The following HERC6 variants were observed in gnomAD, a reference collection of about 807,000 sequenced individuals.
The protein encoded by HERC6 is probable E3 ubiquitin-protein ligase HERC6.
In HERC6, 101 loss-of-function variants were observed where a neutral mutation model predicts 114.5. The observed-to-expected ratio is 0.88, with a 90% CI of 0.75 to 1.04. HERC6 has a LOEUF of 1.04. Among genes scored for constraint, HERC6 ranks in the 50% least tolerant of loss-of-function variants. The pLI, the probability that HERC6 is intolerant of heterozygous loss-of-function variation, is 0.00. For synonymous variants in HERC6, 408 were observed against 436.2 expected (o/e 0.94, Z 0.81); for missense variants, 1,133 against 1,230.9 (o/e 0.92, Z 1.19).
Position 88,439,978 on chromosome 4 carries a change from T to C in HERC6, c.2660T>C (p.Ile887Thr). ...TTTTATAGAGTCTGTGAGAAGGAGA[T>C]ACTTAGACATTTCTACCCTGAAGAA... ...RGFYRVCEKEILRHFYPEELM... is the reference protein window; with the variant it reads ...RGFYRVCEKETLRHFYPEELM... The change falls in exon 21 of 23, where the codon ATA becomes ACA. Residue 887 changes from isoleucine (I) to threonine (T), a missense_variant. Around this residue, in one of 3 missense-constraint regions of HERC6, gnomAD observed 388 missense variants for 445.9 expected, o/e 0.87. Coordinates refer to ENST00000264346, the MANE Select transcript of HERC6 (RefSeq NM_017912.4). 2 of 1,612,400 alleles carry C rather than the reference T, an allele frequency of 1.2e-6. No homozygotes were observed. Among genetic ancestry groups the C allele is most frequent in the Non-Finnish European group, 1.7e-6 (2 of 1,179,484 alleles).
chr4:88,437,269 C>G (rs1187346473), intron 19 of HERC6, among the ~76,000 whole-genome samples: 1 of 152,030 alleles, frequency 6.6e-6, no homozygotes, highest in Non-Finnish European at 1.5e-5. Flanking sequence ...CTTGGCCAGG[C>G]TGGTCTCTAA....
At position 88,411,814 on chromosome 4, in the gene HERC6, T is replaced by C. The variant is rs563588532; in HGVS notation, c.1369-1263T>C. The stretch of plus-strand genomic sequence containing the variant: ...CTGTAAAATCCTCCACTCAATCTTT[T>C]GGGTTGGCTAGCAGATGAGGGAAGT... On this transcript the variant is annotated intron_variant, in intron 11 of 22. Coordinates refer to ENST00000264346, the MANE Select transcript of HERC6 (RefSeq NM_017912.4). Among the ~76,000 whole-genome samples, 24 of 152,290 alleles carry C rather than the reference T, an allele frequency of 1.6e-4. No homozygotes were observed. The South Asian group carries it at 5.0e-3, about 32-fold the overall frequency.
At chr4:88,437,639 TA>T in intron 19 of HERC6, 71 bp from the exon 20 acceptor site, 1 of 915,388 alleles carries the variant, frequency 1.1e-6, no homozygotes, top group Non-Finnish European at 1.7e-6. Context: ...GTATTGGCAA[TA>T]AAGATATTAT....
rs201006395 is a variant in HERC6, at chr4:88,439,119, A to AC, written c.2556-755_2556-754insC. Among the ~76,000 whole-genome samples the AC allele has an allele frequency of 7.0e-3, 1,066 of 152,318 alleles. 17 individuals carry two copies. Among genetic ancestry groups the AC allele is most frequent in the African/African-American group, 0.024 (1,012 of 41,560 alleles). On this transcript the variant is annotated intron_variant, in intron 20 of 22. Coordinates refer to ENST00000264346, the MANE Select transcript of HERC6 (RefSeq NM_017912.4). ...AAAGTCTTACTTATATTGAAATCTA[A>AC]TGGATGGTAGAAGTTATCAGGTAAA...
rs2149049728 is a variant in HERC6 at position 88,442,357 on chromosome 4, TCTCC to T, written c.2973_2976del (p.Pro992SerfsTer14). ...ACATCAATAACTTGTCATAATATTC[TCTCC>T]CTCCCTAAGTATTCTACAATGGAAA... On this transcript the variant is annotated frameshift_variant, in exon 23 of 23. Coordinates refer to ENST00000264346, the MANE Select transcript of HERC6 (RefSeq NM_017912.4). LOFTEE classifies it low-confidence loss of function (END_TRUNC). 2 of 1,613,708 alleles carry T rather than the reference TCTCC, an allele frequency of 1.2e-6. No individual in the cohort carries two copies. The highest frequency in any genetic ancestry group is 2.2e-5 in the South Asian group (2 of 91,036).
intron 8 of HERC6, among the ~76,000 whole-genome samples, chr4:88,404,193 CT>C (rs202005015): frequency 0.14 from 19,757 of 136,952 alleles, 1,219 homozygotes; most frequent in East Asian, 0.21. Flanking sequence ...AATTTCATTT[CT>C]TTTTTTTTTT....
chr4:88,437,046 T>A, intron 19 of HERC6, 75 bp downstream of exon 19: 1 of 1,116,984 alleles, frequency 9.0e-7, no homozygotes. Flanking sequence ...TATAGTATCT[T>A]AAATTTGGGA....
intron 8 of HERC6, among the ~76,000 whole-genome samples, chr4:88,404,299 T>G (rs888772134): frequency 2.6e-5 from 4 of 151,582 alleles, no homozygotes; most frequent in South Asian, 2.1e-4. Flanking sequence ...CTCAAGCCCC[T>G]GCCTCAGCCT....
At chr4:88,429,323 C>T (rs904748270) in intron 16 of HERC6, among the ~76,000 whole-genome samples, 3 of 152,178 alleles carry the variant, frequency 2.0e-5, no homozygotes, top group African/African-American at 7.2e-5. Flanking sequence ...TACACAGCCT[C>T]TTCAGTGGGA....
At chr4:88,412,965 T>G (rs1177315597) in intron 11 of HERC6, 112 bp from the exon 12 acceptor site, 7 of 744,320 alleles carry the variant, frequency 9.4e-6, no homozygotes, top group Non-Finnish European at 1.6e-5. Flanking sequence ...GCTAAGTGAT[T>G]ATTCTAATTG....
intron 22 of HERC6, among the ~76,000 whole-genome samples, chr4:88,441,527 T>C (rs993054134): frequency 6.6e-6 from 1 of 152,138 alleles, no homozygotes; most frequent in Non-Finnish European, 1.5e-5. Flanking sequence ...CTAAGCTCTG[T>C]AGCCTCATGG....
intron 12 of HERC6, among the ~76,000 whole-genome samples, chr4:88,416,097 TA>T (rs1441297467): frequency 6.6e-6 from 1 of 152,192 alleles, no homozygotes; most frequent in Non-Finnish European, 1.5e-5. Context: ...ATGCCTTAAA[TA>T]ATTATTGGGT....
chr4:88,428,715 C>T lies in HERC6; in HGVS notation c.2071C>T (p.Gln691Ter). Residue 691 changes from glutamine (Q) to a stop codon, truncating the protein, a stop_gained, in exon 16 of 23, where the codon CAA (glutamine) becomes TAA (stop). Transcript: ENST00000264346. LOFTEE classifies it high-confidence loss of function. ...LVKDALRQLS[Q>*]AEATDFCKVL... ...TAAAGATGCTCTGCGTCAATTAAGT[C>T]AAGCTGAAGCTACTGACTTCTGCAA... is the stretch of plus-strand genomic sequence containing the variant. 3 of 1,587,646 alleles carry T rather than the reference C, an allele frequency of 1.9e-6. No individual in the cohort carries two copies. The highest frequency in any genetic ancestry group is 3.6e-5 in the Admixed American group (2 of 54,800).
chr4:88,408,382 T>A, intron 10 of HERC6, 142 bp from the exon 11 acceptor site: 1 of 669,312 alleles, frequency 1.5e-6, no homozygotes, highest in Non-Finnish European at 2.7e-6. Context: ...TTATGTCAAG[T>A]AAGTTGATTA....
chr4:88,410,020 A>T (rs1736008010), intron 11 of HERC6, among the ~76,000 whole-genome samples: 1 of 152,190 alleles, frequency 6.6e-6, no homozygotes, highest in Admixed American at 6.5e-5. Flanking sequence ...TGGTTAATAG[A>T]TGACCATATT....
At chr4:88,435,563 T>TCTGTACAAG (rs1738649468) in intron 17 of HERC6, among the ~76,000 whole-genome samples, 162 bp from the exon 18 acceptor site, 1 of 152,246 alleles carries the variant, frequency 6.6e-6, no homozygotes, top group Non-Finnish European at 1.5e-5. Flanking sequence ...TAATGTATTA[T>TCTGTACAAG]AATCTGTAGA....
At position 88,378,925 on chromosome 4, in the gene HERC6, T is replaced by G. The variant is rs375807853; in HGVS notation, c.4T>G (p.Tyr2Asp). The G allele has an allele frequency of 1.6e-5, 25 of 1,590,228 alleles. No homozygotes were observed. The highest frequency in any genetic ancestry group is 4.0e-5 in the African/African-American group (3 of 74,426). Residue 2 changes from tyrosine (Y) to aspartate (D), a missense_variant, in exon 1 of 23, where the codon TAC (tyrosine) becomes GAC (aspartate). This residue lies in a region of HERC6 where 735 missense variants were observed against 754.0 expected (regional missense o/e 0.97). Coordinates refer to ENST00000264346, the MANE Select transcript of HERC6 (RefSeq NM_017912.4). The part of the protein sequence containing the change: M[Y>D]FCWGADSREL... ...GGCGACAGGGCGCAGAAGCGGGATG[T>G]ACTTCTGTTGGGGCGCCGACTCCAG...
Position 88,425,634 on chromosome 4 carries a change from T to C in HERC6, c.1935+932T>C, listed in dbSNP as rs866955348. 4.6e-5 allele frequency among the ~76,000 whole-genome samples: 7 copies of C among 152,318 alleles called. No individual in the cohort carries two copies. In the South Asian group the frequency reaches 1.2e-3, roughly 27 times the overall value. Reference sequence around the variant, plus strand: ...TGAGTCAATCAATGAGTTTATTTTGTTTTCCACTTACTTTCACCCTTCTGC... The same window carrying C: ...TGAGTCAATCAATGAGTTTATTTTGCTTTCCACTTACTTTCACCCTTCTGC... On this transcript the variant is annotated intron_variant, in intron 15 of 22. Transcript: ENST00000264346.
intron 2 of HERC6, among the ~76,000 whole-genome samples, chr4:88,383,717 C>T (rs1369428781): frequency 4.1e-5 from 5 of 121,622 alleles, no homozygotes; most frequent in Non-Finnish European, 6.3e-5. Context: ...GGTGCTGGGA[C>T]AGCGCCACTG....
Sources: allele counts gnomAD v4.1 joint callset (sites outside exome capture counted in the v4.1 genomes callset), GRCh38; gene constraint gnomAD v4.1.1; regional missense constraint gnomAD v4.1.1; transcripts MANE v1.5; gene names NCBI Gene and HGNC (gene_info 2026-07-23, HGNC 2026-07-21).